USP15: variants seen among roughly 807,000 people sequenced by gnomAD.
USP15 encodes the protein ubiquitin specific peptidase 15.
A neutral mutation model predicts 127.1 loss-of-function variants in USP15; 18 were observed. That is an observed-to-expected ratio of 0.14 (90% CI 0.10 to 0.21). USP15 has a LOEUF of 0.21. Ranked by LOEUF, USP15 falls within the 10% of genes least tolerant of loss-of-function variation. The pLI is 1.00. For missense variants in USP15, 805 were observed against 1,159.9 expected, an observed-to-expected ratio of 0.69 and a Z score of 4.44; for synonymous variants, 364 against 393.7, an observed-to-expected ratio of 0.92 and a Z score of 0.89.
rs1319914395 is a variant in USP15 at position 62,260,436 on chromosome 12, G to T, written c.22G>T (p.Asp8Tyr). MAEGGAA[D>Y]LDTQRSDIAT... The stretch of plus-strand genomic sequence containing the variant: ...GAAGATGGCGGAAGGCGGAGCGGCG[G>T]ATCTGGACACCCAGCGGTCTGACAT... Residue 8 changes from aspartate (D) to tyrosine (Y), a missense_variant, in exon 1 of 22, where the codon GAT becomes TAT. By Grantham distance (160) the Asp-to-Tyr change is radical (BLOSUM62 -3). Transcript: ENST00000280377. 4 of 1,551,736 alleles carry T rather than the reference G, an allele frequency of 2.6e-6. No homozygotes were observed. Among genetic ancestry groups the T allele is most frequent in the African/African-American group, 1.4e-5 (1 of 73,100 alleles).
In USP15 at chr12:62,341,621, T is replaced by G. The variant is rs2065651304; in HGVS notation, c.684-7600T>G. ...TTTGCTTGTCTGGAAAGGATTTTAT[T>G]TCTCCTTTGCTTCTGAAGCTTTGTT... On this transcript the variant is annotated intron_variant, in intron 6 of 21. Coordinates refer to ENST00000280377, the MANE Select transcript of USP15 (RefSeq NM_001252078.2). 3.3e-5 allele frequency among the ~76,000 whole-genome samples: 5 copies of G among 152,324 alleles called. No homozygotes were observed. In the South Asian group the frequency reaches 8.3e-4, roughly 25 times the overall value.
intron 9 of USP15, among the ~76,000 whole-genome samples, chr12:62,382,830 C>A (rs758874094): frequency 6.6e-6 from 1 of 151,800 alleles, no homozygotes; most frequent in Non-Finnish European, 1.5e-5. Context: ...CTTTCAGATA[C>A]GTAATTATCT....
At chr12:62,379,004 CT>C (rs1375520885) in intron 8 of USP15, among the ~76,000 whole-genome samples, 1 of 151,974 alleles carries the variant, frequency 6.6e-6, no homozygotes, top group Non-Finnish European at 1.5e-5. Context: ...CTGGTACCTG[CT>C]TTCATGGAGG....
chr12:62,370,026 G>A (rs1246707529), intron 8 of USP15, among the ~76,000 whole-genome samples: 1 of 152,148 alleles, frequency 6.6e-6, no homozygotes, highest in Non-Finnish European at 1.5e-5. Context: ...CCAGGCTGGA[G>A]TGCAGTAGCG....
At chr12:62,391,062 A>T in intron 15 of USP15, 83 bp downstream of exon 15, 1 of 1,512,458 alleles carries the variant, frequency 6.6e-7, no homozygotes, top group South Asian at 1.3e-5. Context: ...GGAATTAAAG[A>T]ACTAAAAAAT....
At chr12:62,271,996 T>G in intron 1 of USP15, among the ~76,000 whole-genome samples, 1 of 151,852 alleles carries the variant, frequency 6.6e-6, no homozygotes, top group South Asian at 2.1e-4. Flanking sequence ...TTTCATAGTT[T>G]TATTTGTTTC....
intron 8 of USP15, among the ~76,000 whole-genome samples, chr12:62,380,378 A>G (rs7970042): frequency 0.08 from 12,186 of 152,106 alleles, 596 homozygotes; most frequent in Middle Eastern, 0.16. Flanking sequence ...TTAGCTAAAC[A>G]ATGCATAGTA....
chr12:62,391,572 A>C (rs981836305), intron 16 of USP15, 143 bp downstream of exon 16: 1 of 1,074,610 alleles, frequency 9.3e-7, no homozygotes, highest in African/African-American at 1.6e-5. Flanking sequence ...AGGACTTAAT[A>C]TCTAAGTAGA....
chr12:62,270,519 A>T (rs2063323555), intron 1 of USP15, among the ~76,000 whole-genome samples: 1 of 152,062 alleles, frequency 6.6e-6, no homozygotes, highest in South Asian at 2.1e-4. Context: ...TCTGTAATTC[A>T]ATCGAGTTAA....
chr12:62,303,431 G>C (rs2064378516), intron 3 of USP15: 2 of 151,796 alleles, frequency 1.3e-5, no homozygotes, highest in African/African-American at 4.9e-5. Context: ...CGTTTTTTTA[G>C]GGAACTAAAA....
intron 11 of USP15, among the ~76,000 whole-genome samples, chr12:62,386,109 A>G (rs536197233): frequency 6.7e-4 from 100 of 150,082 alleles, no homozygotes; most frequent in African/African-American, 2.4e-3. Context: ...AATAATATAA[A>G]TTTGCGGAGG....
In USP15 at chr12:62,412,291, G is replaced by A. The variant is rs1015210426; in HGVS notation, c.*7916G>A. 6.6e-6 allele frequency: 1 copy of A among 152,192 alleles called. No homozygotes were observed. Among genetic ancestry groups the A allele is most frequent in the Non-Finnish European group, 1.5e-5 (1 of 68,020 alleles). 9.4% of individuals were successfully genotyped at this position (152,192 alleles called of 1,614,324 possible). On this transcript the variant is annotated 3_prime_UTR_variant, in exon 22 of 22. Transcript: ENST00000280377. ...AATGTTTTTGCTGATGGACAGTCTT[G>A]CCTCATTTTGATAGATACTCACCAG...
chr12:62,373,021 T>C (rs1333893929), intron 8 of USP15, among the ~76,000 whole-genome samples: 1 of 152,130 alleles, frequency 6.6e-6, no homozygotes, highest in Non-Finnish European at 1.5e-5. Context: ...CTAGTATTAA[T>C]AGTTTCAAAA....
intron 1 of USP15, among the ~76,000 whole-genome samples, chr12:62,265,320 A>G (rs2063166684): frequency 6.6e-6 from 1 of 152,218 alleles, no homozygotes. Flanking sequence ...GTAATATTAC[A>G]TTTAAAAACA....
At chr12:62,320,195 G>A (rs933544341) in intron 4 of USP15, among the ~76,000 whole-genome samples, 1 of 152,206 alleles carries the variant, frequency 6.6e-6, no homozygotes, top group Non-Finnish European at 1.5e-5. Flanking sequence ...TGGAGGAGGT[G>A]CCTGCTGGGA....
At chr12:62,313,907 T>G in intron 3 of USP15, 43 of 257,534 alleles carry the variant, frequency 1.7e-4, no homozygotes, top group Non-Finnish European at 2.5e-4. Flanking sequence ...TGTAAGCTTG[T>G]GAGTATATCC....
chr12:62,333,179 G>A (rs1326221068), intron 6 of USP15, among the ~76,000 whole-genome samples: 3 of 151,898 alleles, frequency 2.0e-5, no homozygotes, highest in Non-Finnish European at 4.4e-5. Flanking sequence ...CATTCAGCCA[G>A]TTCATACATT....
chr12:62,309,074 T>C (rs1412378661), intron 3 of USP15, among the ~76,000 whole-genome samples: 1 of 152,076 alleles, frequency 6.6e-6, no homozygotes, highest in African/African-American at 2.4e-5. Flanking sequence ...GAAGAAACAT[T>C]ATAATGTAGA....
intron 8 of USP15, among the ~76,000 whole-genome samples, chr12:62,359,238 GAA>G (rs764125277): frequency 2.9e-4 from 24 of 81,938 alleles, no homozygotes; most frequent in Non-Finnish European, 3.1e-4. Context: ...AGTCTGGCTT[GAA>G]AAAAAAAAAA....
Sources: allele counts gnomAD v4.1 joint callset (sites outside exome capture counted in the v4.1 genomes callset), GRCh38; gene constraint gnomAD v4.1.1; transcripts MANE v1.5; gene names NCBI Gene and HGNC (gene_info 2026-07-23, HGNC 2026-07-21).